Variants in DOCK3 observed in about 807,000 individuals in gnomAD.
The protein encoded by DOCK3 is dedicator of cytokinesis 3.
Under a neutral mutation model 265.6 loss-of-function variants are expected in DOCK3, and 60 were observed. That is an observed-to-expected ratio of 0.23 (90% CI 0.18 to 0.28). The LOEUF is 0.28. DOCK3 is among the 10% of genes least tolerant of loss of function. The probability of loss-of-function intolerance (pLI) is 1.00; values close to 1 mark genes in which losing one functional copy is unlikely to be tolerated. For missense variants in DOCK3, 1,981 were observed against 2,594.3 expected (o/e 0.76, Z 5.14); for synonymous variants, 881 against 938.0 (o/e 0.94, Z 1.11).
intron 5 of DOCK3, among the ~76,000 whole-genome samples, chr3:50,958,093 G>T (rs2076778190): frequency 6.6e-6 from 1 of 152,028 alleles, no homozygotes; most frequent in African/African-American, 2.4e-5. Context: ...AATTTCTCCT[G>T]TCTTTGTCCA....
At chr3:51,016,645 T>TATATGA (rs2079285753) in intron 5 of DOCK3, among the ~76,000 whole-genome samples, 1 of 55,432 alleles carries the variant, frequency 1.8e-5, no homozygotes, top group African/African-American at 8.4e-5. Context: ...TGATATATAT[T>TATATGA]TATATGTTTA....
intron 1 of DOCK3, among the ~76,000 whole-genome samples, chr3:50,676,801 A>G (rs1166448437): frequency 6.6e-6 from 1 of 152,218 alleles, no homozygotes; most frequent in Admixed American, 6.5e-5. Context: ...GGTGTGGGCA[A>G]GTAATTTAAC....
chr3:51,059,289 T>G (rs925519841), intron 5 of DOCK3, among the ~76,000 whole-genome samples: 1 of 152,158 alleles, frequency 6.6e-6, no homozygotes, highest in African/African-American at 2.4e-5. Flanking sequence ...CCTAATTATC[T>G]CCCAAACAGT....
At chr3:50,716,752 G>A (rs1487452366) in intron 1 of DOCK3, among the ~76,000 whole-genome samples, 1 of 151,702 alleles carries the variant, frequency 6.6e-6, no homozygotes, top group Non-Finnish European at 1.5e-5. Context: ...CTGTTAAACT[G>A]TTTTAGTTTC....
chr3:51,048,795 A>G (rs912324624), intron 5 of DOCK3, among the ~76,000 whole-genome samples: 2 of 151,846 alleles, frequency 1.3e-5, no homozygotes, highest in African/African-American at 2.4e-5. Flanking sequence ...CCCAGGAGGC[A>G]GAGCTTGCAG....
At chr3:51,061,527 A>G (rs1443204322) in intron 5 of DOCK3, among the ~76,000 whole-genome samples, 2 of 151,918 alleles carry the variant, frequency 1.3e-5, no homozygotes, top group South Asian at 2.1e-4. Flanking sequence ...ACACATCGAC[A>G]TAGGAAGGGG....
chr3:50,686,044 G>T (rs1277209361), intron 1 of DOCK3, among the ~76,000 whole-genome samples: 2 of 152,062 alleles, frequency 1.3e-5, no homozygotes, highest in South Asian at 4.2e-4. Flanking sequence ...TGATTCAAGT[G>T]CATTACATTT....
At chr3:51,230,738 A>T (rs2090511059) in intron 19 of DOCK3, among the ~76,000 whole-genome samples, 1 of 152,116 alleles carries the variant, frequency 6.6e-6, no homozygotes. Flanking sequence ...GATGGTCTCG[A>T]TCCCTTGACC....
rs1259295294 is a variant in DOCK3 at position 50,937,667 on chromosome 3, A to T, written c.315+3590A>T. On this transcript the variant is annotated intron_variant, in intron 5 of 52. Transcript: ENST00000266037. ...CGAGACTCTGTCTCGAAAAACAACA[A>T]CAGCAGCAATGAAAAATTAATACTG... Among the ~76,000 whole-genome samples, 4 of 152,178 alleles carry T rather than the reference A, an allele frequency of 2.6e-5. No homozygotes were observed. The East Asian group carries it at 7.7e-4, about 29-fold the overall frequency.
At chr3:50,905,435 C>T (rs778096823) in intron 4 of DOCK3, among the ~76,000 whole-genome samples, 2 of 151,986 alleles carry the variant, frequency 1.3e-5, no homozygotes, top group South Asian at 2.1e-4. Flanking sequence ...TTTTTTATGT[C>T]GTTGAGCAGT....
intron 2 of DOCK3, among the ~76,000 whole-genome samples, chr3:50,810,149 A>G (rs182332240): frequency 1.1e-4 from 17 of 152,234 alleles, no homozygotes; most frequent in Middle Eastern, 3.4e-3. Flanking sequence ...AAATCTTTTT[A>G]AGGGTGTGTG....
At chr3:51,300,127 C>G (rs1396591108) in intron 27 of DOCK3, among the ~76,000 whole-genome samples, 1 of 152,142 alleles carries the variant, frequency 6.6e-6, no homozygotes, top group Non-Finnish European at 1.5e-5. Context: ...GAAGTCCTTA[C>G]TTCCCTTGTT....
intron 2 of DOCK3, among the ~76,000 whole-genome samples, chr3:50,828,212 A>T (rs985550081): frequency 3.3e-5 from 5 of 152,016 alleles, no homozygotes; most frequent in African/African-American, 4.8e-5. Flanking sequence ...TACAGGTGTG[A>T]GCCACCACAC....
chr3:51,073,376 G>A (rs1157826535), intron 6 of DOCK3, among the ~76,000 whole-genome samples: 1 of 152,206 alleles, frequency 6.6e-6, no homozygotes, highest in Non-Finnish European at 1.5e-5. Flanking sequence ...CCTCGCTCTT[G>A]CACTCCGTGA....
intron 11 of DOCK3, 140 bp downstream of exon 11, chr3:51,159,444 C>G (rs1031150777): frequency 1.4e-6 from 1 of 702,152 alleles, no homozygotes; most frequent in African/African-American, 1.7e-5. Flanking sequence ...TGTATTGAAG[C>G]TATACCTAAG....
Position 51,375,834 on chromosome 3 carries a change from A to C in DOCK3, c.5499A>C (p.Lys1833Asn). The C allele has an allele frequency of 6.2e-7, 1 of 1,613,852 alleles. No individual in the cohort carries two copies. The highest frequency in any genetic ancestry group is 8.5e-7 in the Non-Finnish European group (1 of 1,179,832). The change falls in exon 51 of 53, where the codon AAA becomes AAC. Residue 1833 changes from lysine (K) to asparagine (N), a missense_variant and splice_region_variant. Lys to Asn is a moderately conservative substitution (Grantham distance 94). This residue lies in a region of DOCK3 where 1,357 missense variants were observed against 1,866.8 expected (regional missense o/e 0.73). Transcript: ENST00000266037. ...CSDPNLSVAE[K>N]GHYSLHFDAF... ...ATCCCAATCTGTCTGTGGCTGAAAA[A>C]GGTATTGTTGCCCAGGTGGCCTTCC...
chr3:50,716,581 ATATT>A (rs1400670660), intron 1 of DOCK3, among the ~76,000 whole-genome samples: 2 of 150,648 alleles, frequency 1.3e-5, no homozygotes, highest in Non-Finnish European at 3.0e-5. Context: ...TTATATATAT[ATATT>A]TATTTTTTTT....
At chr3:51,324,113 T>C (rs368507370) in intron 32 of DOCK3, among the ~76,000 whole-genome samples, 7 of 152,166 alleles carry the variant, frequency 4.6e-5, no homozygotes, top group East Asian at 3.8e-4. Context: ...GGTATTCAAA[T>C]AGGAAGAGAG....
intron 1 of DOCK3, among the ~76,000 whole-genome samples, chr3:50,680,512 CTTTTTTTTTT>C (rs3066820): frequency 1.4e-5 from 1 of 72,944 alleles, no homozygotes; most frequent in African/African-American, 5.8e-5. Context: ...CCGTGCCCTG[CTTTTTTTTTT>C]TTTTTTTTTT....
Sources: gnomAD v4.1 joint callset for allele counts (sites outside exome capture counted in the v4.1 genomes callset) on GRCh38, gnomAD v4.1.1 for gene constraint, gnomAD v4.1.1 regional missense constraint, MANE v1.5 for transcripts, NCBI Gene and HGNC (gene_info 2026-07-23, HGNC 2026-07-21) for gene names.